The following RSRC1 variants were observed in gnomAD, a reference collection of about 807,000 sequenced individuals.
RSRC1 encodes arginine and serine rich coiled-coil 1, also known as serine/Arginine-related protein 53.
A neutral mutation model predicts 49.1 loss-of-function variants in RSRC1; 39 were observed. That is an observed-to-expected ratio of 0.79 (90% CI 0.61 to 1.04). The LOEUF is 1.04. Among genes scored for constraint, RSRC1 ranks in the 50% least tolerant of loss-of-function variants. The pLI, the probability that RSRC1 is intolerant of heterozygous loss-of-function variation, is 0.00. For missense variants in RSRC1, 388 were observed against 402.4 expected (o/e 0.96, Z 0.31); for synonymous variants, 143 against 130.8 (o/e 1.09, Z -0.63).
chr3:158,494,391 T>A (rs1430974873), intron 7 of RSRC1, among the ~76,000 whole-genome samples: 2 of 152,238 alleles, frequency 1.3e-5, no homozygotes, highest in Admixed American at 6.5e-5. Context: ...AACTGGAAGT[T>A]GCTCTAGGCA....
intron 4 of RSRC1, among the ~76,000 whole-genome samples, chr3:158,274,090 G>A (rs1031527865): frequency 4.6e-5 from 7 of 152,084 alleles, no homozygotes; most frequent in African/African-American, 1.7e-4. Flanking sequence ...CATTGTTTAT[G>A]TATTTTAAGA....
At chr3:158,307,200 C>T (rs1196179167) in intron 5 of RSRC1, among the ~76,000 whole-genome samples, 2 of 151,654 alleles carry the variant, frequency 1.3e-5, no homozygotes, top group African/African-American at 4.8e-5. Flanking sequence ...TTGTTTACTG[C>T]TTTTACTTGG....
intron 4 of RSRC1, among the ~76,000 whole-genome samples, chr3:158,205,058 A>G (rs1721270930): frequency 6.6e-6 from 1 of 152,296 alleles, no homozygotes; most frequent in Non-Finnish European, 1.5e-5. Context: ...CTGGATGGCA[A>G]GTTTACAAGA....
intron 3 of RSRC1, among the ~76,000 whole-genome samples, chr3:158,152,480 A>G (rs1434781651): frequency 6.6e-6 from 1 of 152,168 alleles, no homozygotes; most frequent in Non-Finnish European, 1.5e-5. Context: ...TGTCTTTTTC[A>G]CAGAATTGAT....
intron 6 of RSRC1, among the ~76,000 whole-genome samples, chr3:158,385,332 A>C (rs1388495228): frequency 6.6e-5 from 10 of 152,126 alleles, no homozygotes; most frequent in Non-Finnish European, 1.2e-4. Flanking sequence ...TAAACCATTC[A>C]TCTATTATAT....
intron 3 of RSRC1, among the ~76,000 whole-genome samples, chr3:158,165,312 T>C (rs1288941120): frequency 6.6e-6 from 1 of 152,232 alleles, no homozygotes; most frequent in African/African-American, 2.4e-5. Flanking sequence ...GGCTTTGTGA[T>C]AGTTGCATAA....
At chr3:158,255,233 A>G (rs1724470499) in intron 4 of RSRC1, among the ~76,000 whole-genome samples, 1 of 152,086 alleles carries the variant, frequency 6.6e-6, no homozygotes, top group South Asian at 2.1e-4. Flanking sequence ...TCTTGAATTA[A>G]TTTTTGTATA....
rs368682461 is a variant in RSRC1 at position 158,352,865 on chromosome 3, A to G, written c.532-1992A>G. ...TAATGTCAAATGTCATTTGCCATTT[A>G]TCATCATAAATGTTTGCATTAATGG... On this transcript the variant is annotated intron_variant, in intron 5 of 9. Coordinates refer to ENST00000611884, the MANE Select transcript of RSRC1 (RefSeq NM_001271838.2). Among the ~76,000 whole-genome samples the G allele has an allele frequency of 1.1e-4, 16 of 152,340 alleles. No homozygotes were observed. The East Asian group carries it at 1.2e-3, about 11-fold the overall frequency.
chr3:158,326,016 T>C (rs1353766415), intron 5 of RSRC1, among the ~76,000 whole-genome samples: 1 of 152,212 alleles, frequency 6.6e-6, no homozygotes, highest in Non-Finnish European at 1.5e-5. Flanking sequence ...TCACTCATGA[T>C]TTGGCTCTCT....
At chr3:158,243,145 T>G (rs1468604650) in intron 4 of RSRC1, among the ~76,000 whole-genome samples, 1 of 152,206 alleles carries the variant, frequency 6.6e-6, no homozygotes, top group African/African-American at 2.4e-5. Flanking sequence ...CTGAATGGTA[T>G]CACCTAGGTT....
At position 158,282,777 on chromosome 3, in the gene RSRC1, T is replaced by C. The variant is rs528423492; in HGVS notation, c.495-15262T>C. Among the ~76,000 whole-genome samples, 3 of 152,292 alleles carry C rather than the reference T, an allele frequency of 2.0e-5. No homozygotes were observed. The East Asian group carries it at 5.8e-4, about 29-fold the overall frequency. ...GTAGATGAATGGATGAGCAAAATTATGGAGGTGATAATGAACTGGTTTGAG... is the reference window on the plus strand; with the variant it reads ...GTAGATGAATGGATGAGCAAAATTACGGAGGTGATAATGAACTGGTTTGAG... On this transcript the variant is annotated intron_variant, in intron 4 of 9. Coordinates refer to ENST00000611884, the MANE Select transcript of RSRC1 (RefSeq NM_001271838.2).
rs191149479 is a variant in RSRC1 at position 158,257,930 on chromosome 3, A to G, written c.495-40109A>G. On this transcript the variant is annotated intron_variant, in intron 4 of 9. Coordinates refer to ENST00000611884, the MANE Select transcript of RSRC1 (RefSeq NM_001271838.2). ...CAAAGTGAAAACTAATACAAACTCTATGCCTTAACTTCGTCCCCTTTCTTG... is the reference window on the plus strand; with the variant it reads ...CAAAGTGAAAACTAATACAAACTCTGTGCCTTAACTTCGTCCCCTTTCTTG... Among the ~76,000 whole-genome samples, 22 of 152,254 alleles carry G rather than the reference A, an allele frequency of 1.4e-4. 1 individual carries two copies. In the East Asian group the frequency reaches 3.9e-3, roughly 27 times the overall value.
chr3:158,293,128 A>AT (rs973469629), intron 4 of RSRC1, among the ~76,000 whole-genome samples: 12 of 152,140 alleles, frequency 7.9e-5, no homozygotes, highest in African/African-American at 2.9e-4. Context: ...AGGTGTCCCA[A>AT]TGTGATATGT....
intron 4 of RSRC1, among the ~76,000 whole-genome samples, chr3:158,280,958 A>G (rs1726118962): frequency 6.6e-6 from 1 of 152,072 alleles, no homozygotes; most frequent in Non-Finnish European, 1.5e-5. Flanking sequence ...AAAGTGATTC[A>G]TTTTTATAAG....
At chr3:158,222,098 GA>G (rs1722254125) in intron 4 of RSRC1, among the ~76,000 whole-genome samples, 1 of 151,536 alleles carries the variant, frequency 6.6e-6, no homozygotes, top group African/African-American at 2.4e-5. Flanking sequence ...ATAATAGTAA[GA>G]GGGGCAGTTT....
intron 6 of RSRC1, among the ~76,000 whole-genome samples, chr3:158,378,150 AATT>A (rs1040434603): frequency 2.0e-5 from 3 of 152,082 alleles, no homozygotes; most frequent in South Asian, 2.1e-4. Flanking sequence ...TCAGTTCTAA[AATT>A]ATTGTTTTGT....
intron 6 of RSRC1, among the ~76,000 whole-genome samples, chr3:158,394,642 G>A (rs1733510936): frequency 6.6e-6 from 1 of 152,036 alleles, no homozygotes; most frequent in African/African-American, 2.4e-5. Context: ...GGAAGTGAAA[G>A]ATCTTTATAA....
At chr3:158,119,753 A>G (rs1715123184) in intron 1 of RSRC1, among the ~76,000 whole-genome samples, 1 of 151,640 alleles carries the variant, frequency 6.6e-6, no homozygotes, top group Non-Finnish European at 1.5e-5. Context: ...CCTTATATAC[A>G]TCTGAATTAT....
Position 158,203,024 on chromosome 3 carries a change from G to T in RSRC1, c.321-48G>T, listed in dbSNP as rs752942532. On this transcript the variant is annotated intron_variant, in intron 3 of 9. Coordinates refer to ENST00000611884, the MANE Select transcript of RSRC1 (RefSeq NM_001271838.2). ...ATTTAAAAGAGTATTTACTTTTCACGATACAAATTATACACTAAGTTTATT... is the reference window on the plus strand; with the variant it reads ...ATTTAAAAGAGTATTTACTTTTCACTATACAAATTATACACTAAGTTTATT... 6.9e-6 allele frequency: 10 copies of T among 1,439,786 alleles called. No homozygotes were observed. In the South Asian group the frequency reaches 1.0e-4, roughly 15 times the overall value. 89.2% of individuals were successfully genotyped at this position (1,439,786 alleles called of 1,614,324 possible).
Sources: allele counts gnomAD v4.1 joint callset (sites outside exome capture counted in the v4.1 genomes callset), GRCh38; gene constraint gnomAD v4.1.1; transcripts MANE v1.5; gene names NCBI Gene and HGNC (gene_info 2026-07-23, HGNC 2026-07-21).